The following SPTLC3 variants were observed in gnomAD, a reference collection of about 807,000 sequenced individuals.
The protein encoded by SPTLC3 is serine palmitoyltransferase 3.
SPTLC3 carries 36 observed loss-of-function variants against 59.3 expected under a neutral mutation model. The ratio of observed to expected loss-of-function variants is 0.61; its 90% confidence interval spans 0.47 to 0.80. The LOEUF (loss-of-function observed/expected upper bound fraction) is 0.80. SPTLC3 is among the 30% of genes least tolerant of loss of function. SPTLC3 has a pLI of 0.00. For synonymous variants in SPTLC3, 257 were observed against 240.8 expected, an observed-to-expected ratio of 1.07 and a Z score of -0.62; for missense variants, 625 against 685.1, an observed-to-expected ratio of 0.91 and a Z score of 0.98.
chr20:13,110,143 T>C lies in SPTLC3; in HGVS notation c.858T>C (p.Asp286=), dbSNP rs752614160. 6 of 1,613,632 alleles carry C rather than the reference T, an allele frequency of 3.7e-6. No individual in the cohort carries two copies. Among genetic ancestry groups the C allele is most frequent in the South Asian group, 3.3e-5 (3 of 91,050 alleles). The part of the protein sequence containing the change: ...NTQSLEKLLR[D]AVIYGQPRTR... ...AAAGCCTAGAGAAGCTCCTGAGAGATGCTGTCATCTATGGCCAGCCTCGAA... is the reference window on the plus strand; with the variant it reads ...AAAGCCTAGAGAAGCTCCTGAGAGACGCTGTCATCTATGGCCAGCCTCGAA... The change falls in exon 7 of 12, where the codon GAT becomes GAC. Residue 286 remains aspartate, a synonymous_variant. Transcript: ENST00000399002.
At chr20:13,052,751 C>T (rs543440601) in intron 2 of SPTLC3, among the ~76,000 whole-genome samples, 1 of 152,310 alleles carries the variant, frequency 6.6e-6, no homozygotes, top group South Asian at 2.1e-4. Flanking sequence ...CTGTTTTCCC[C>T]TCACAGTGTA....
At chr20:13,114,030 T>C (rs924300530) in intron 7 of SPTLC3, among the ~76,000 whole-genome samples, 2 of 152,166 alleles carry the variant, frequency 1.3e-5, no homozygotes, top group African/African-American at 4.8e-5. Flanking sequence ...ATAACCGAGA[T>C]GAGGCAGAGC....
chr20:13,139,944 T>G (rs2038341857), intron 9 of SPTLC3, among the ~76,000 whole-genome samples: 1 of 152,212 alleles, frequency 6.6e-6, no homozygotes. Context: ...CCACAACTAC[T>G]TCTAGTTTCT....
intron 6 of SPTLC3, among the ~76,000 whole-genome samples, chr20:13,098,113 T>C (rs1989485674): frequency 1.3e-5 from 2 of 152,208 alleles, no homozygotes; most frequent in South Asian, 4.1e-4. Context: ...ACAGAGACTG[T>C]ATGTGGTCCA....
chr20:13,101,470 G>T lies in SPTLC3; in HGVS notation c.826+7893G>T, dbSNP rs150041329. ...TTTCAATTCAGAATGCTGAAGTTTGGCCTCTGCATTCTTGCTCGCTGAGTA... is the reference window on the plus strand; with the variant it reads ...TTTCAATTCAGAATGCTGAAGTTTGTCCTCTGCATTCTTGCTCGCTGAGTA... On this transcript the variant is annotated intron_variant, in intron 6 of 11. Transcript: ENST00000399002. Among the ~76,000 whole-genome samples the T allele has an allele frequency of 3.8e-3, 580 of 152,242 alleles. 4 individuals are homozygous for T. Among genetic ancestry groups the T allele is most frequent in the Middle Eastern group, 0.01 (3 of 294 alleles).
chr20:13,037,284 A>G (rs73898287), intron 1 of SPTLC3, among the ~76,000 whole-genome samples: 2,779 of 152,284 alleles, frequency 0.018, 98 homozygotes, highest in African/African-American at 0.064. Flanking sequence ...TACTATGGCT[A>G]TCTTGGACTA....
intron 9 of SPTLC3, among the ~76,000 whole-genome samples, chr20:13,138,354 C>T (rs1231920101): frequency 6.6e-6 from 1 of 152,136 alleles, no homozygotes; most frequent in African/African-American, 2.4e-5. Flanking sequence ...CAATACACTA[C>T]CCCCATTCAT....
intron 1 of SPTLC3, among the ~76,000 whole-genome samples, chr20:13,031,027 A>G (rs1986416503): frequency 6.6e-6 from 1 of 152,150 alleles, no homozygotes. Flanking sequence ...TCAGCTCTGT[A>G]AGCTATTCAG....
chr20:13,126,838 A>T (rs942168174), intron 9 of SPTLC3, 121 bp downstream of exon 9: 1 of 1,335,312 alleles, frequency 7.5e-7, no homozygotes, highest in Non-Finnish European at 9.9e-7. Context: ...AAATCAAGCC[A>T]TGTGATAAAT....
Position 13,074,507 on chromosome 20 carries a change from T to C in SPTLC3, c.607+10T>C. ...ACCAGGCATGAAATGGGTATGTACATTCACTGTTTTGAAACTTTTTGCTGT... is the reference window on the plus strand; with the variant it reads ...ACCAGGCATGAAATGGGTATGTACACTCACTGTTTTGAAACTTTTTGCTGT... On this transcript the variant is annotated intron_variant, in intron 4 of 11. Transcript: ENST00000399002. 6.3e-7 allele frequency: 1 copy of C among 1,599,038 alleles called. No homozygotes were observed. The highest frequency in any genetic ancestry group is 1.1e-5 in the South Asian group (1 of 88,322).
At chr20:13,044,838 T>A (rs1203973023) in intron 1 of SPTLC3, among the ~76,000 whole-genome samples, 1 of 152,022 alleles carries the variant, frequency 6.6e-6, no homozygotes, top group Non-Finnish European at 1.5e-5. Context: ...CCTGAGCAAA[T>A]CATCTTCATT....
At chr20:13,117,791 T>C in intron 8 of SPTLC3, 66 bp downstream of exon 8, 1 of 1,402,212 alleles carries the variant, frequency 7.1e-7, no homozygotes, top group Non-Finnish European at 9.7e-7. Context: ...GTGTAGGGCT[T>C]CTCTGAATTT....
intron 2 of SPTLC3, among the ~76,000 whole-genome samples, chr20:13,051,719 T>C (rs1048642662): frequency 2.6e-5 from 4 of 151,920 alleles, no homozygotes; most frequent in South Asian, 2.1e-4. Context: ...TTTAGGAAAA[T>C]TGAAATAATA....
At chr20:13,144,137 A>C (rs1482143309) in intron 9 of SPTLC3, among the ~76,000 whole-genome samples, 1 of 152,232 alleles carries the variant, frequency 6.6e-6, no homozygotes. Flanking sequence ...CAAACATTCT[A>C]GGCAAGTACT....
intron 4 of SPTLC3, among the ~76,000 whole-genome samples, chr20:13,075,443 A>G (rs1988611617): frequency 1.3e-5 from 2 of 152,232 alleles, no homozygotes; most frequent in South Asian, 4.1e-4. Flanking sequence ...AGAGTTTTAG[A>G]AACTATTTAA....
intron 4 of SPTLC3, among the ~76,000 whole-genome samples, chr20:13,084,374 G>T (rs171501): frequency 6.6e-6 from 1 of 152,066 alleles, no homozygotes; most frequent in African/African-American, 2.4e-5. Flanking sequence ...CTTGGGCTAA[G>T]AGCTGCCAAA....
intron 11 of SPTLC3, 155 bp from the exon 12 acceptor site, chr20:13,164,599 C>A (rs1290413649): frequency 3.2e-6 from 2 of 631,992 alleles, no homozygotes; most frequent in East Asian, 2.8e-5. Flanking sequence ...TAAACCACAA[C>A]CTAATGGTAC....
chr20:13,085,151 C>G (rs1988964836), intron 4 of SPTLC3, among the ~76,000 whole-genome samples: 2 of 152,210 alleles, frequency 1.3e-5, no homozygotes, highest in South Asian at 4.2e-4. Context: ...GTCTTTAACC[C>G]AGCAGCAGTG....
intron 1 of SPTLC3, among the ~76,000 whole-genome samples, chr20:13,016,034 T>C (rs1985511957): frequency 6.6e-6 from 1 of 152,046 alleles, no homozygotes. Flanking sequence ...TTAAAATTTA[T>C]ATCATAAAAT....
Sources: gnomAD v4.1 joint callset for allele counts (sites outside exome capture counted in the v4.1 genomes callset) on GRCh38, gnomAD v4.1.1 for gene constraint, MANE v1.5 for transcripts, NCBI Gene and HGNC (gene_info 2026-07-23, HGNC 2026-07-21) for gene names.